ZNF704: variants seen among roughly 807,000 people sequenced by gnomAD.
ZNF704 encodes the protein glucocorticoid induced gene 1.
ZNF704 carries 10 observed loss-of-function variants against 44.7 expected under a neutral mutation model. That is an observed-to-expected ratio of 0.22 (90% CI 0.14 to 0.38). ZNF704 has a LOEUF of 0.38. Ranked by LOEUF, ZNF704 falls within the 10% of genes least tolerant of loss-of-function variation. The pLI is 1.00. For synonymous variants in ZNF704, 211 were observed against 207.6 expected, an observed-to-expected ratio of 1.02 and a Z score of -0.14; for missense variants, 390 against 545.5, an observed-to-expected ratio of 0.71 and a Z score of 2.84.
At chr8:80,869,294 A>G (rs1809208915) in intron 1 of ZNF704, among the ~76,000 whole-genome samples, 1 of 152,240 alleles carries the variant, frequency 6.6e-6, no homozygotes, top group Non-Finnish European at 1.5e-5. Context: ...ATGTGGAATC[A>G]CAAACCTCAG....
rs1817678693 is a variant in ZNF704, at chr8:80,637,314, C to G, written c.*4052G>C. The G allele has an allele frequency of 6.6e-6, 1 of 152,012 alleles. No individual in the cohort carries two copies. Among genetic ancestry groups the G allele is most frequent in the Admixed American group, 6.5e-5 (1 of 15,268 alleles). The allele number at this position is 152,012 out of a possible 1,614,324, so 9.4% of individuals were successfully genotyped here. A position where few individuals can be genotyped will look rare whatever the true frequency, so the allele number is the denominator to read the frequency against. ...TATTTTTGCATGCCCTTTATTTTTC[C>G]CTGAGGAAATGAATATTATTTACAG... On this transcript the variant is annotated 3_prime_UTR_variant, in exon 9 of 9. Transcript: ENST00000327835.
chr8:80,681,453 T>C (rs1455079967), intron 4 of ZNF704, among the ~76,000 whole-genome samples: 1 of 152,180 alleles, frequency 6.6e-6, no homozygotes, highest in Non-Finnish European at 1.5e-5. Flanking sequence ...TCTATAGTGA[T>C]GAAAGTTATA....
chr8:80,672,047 T>C (rs552465479), intron 4 of ZNF704, among the ~76,000 whole-genome samples: 4 of 152,260 alleles, frequency 2.6e-5, no homozygotes, highest in South Asian at 2.1e-4. Flanking sequence ...TGCAAGTGTA[T>C]TGAAATACAG....
At chr8:80,655,008 G>T (rs900171936) in intron 7 of ZNF704, among the ~76,000 whole-genome samples, 8 of 152,140 alleles carry the variant, frequency 5.3e-5, no homozygotes, top group African/African-American at 7.2e-5. Flanking sequence ...ATACTATGCA[G>T]CCATAAAAAA....
intron 1 of ZNF704, among the ~76,000 whole-genome samples, chr8:80,833,223 A>G (rs1266823037): frequency 6.6e-6 from 1 of 152,106 alleles, no homozygotes; most frequent in Non-Finnish European, 1.5e-5. Context: ...GGTGGTGTGC[A>G]CGTGTAGTCC....
intron 1 of ZNF704, among the ~76,000 whole-genome samples, chr8:80,830,520 T>C (rs1808451811): frequency 6.6e-6 from 1 of 152,076 alleles, no homozygotes; most frequent in Admixed American, 6.5e-5. Flanking sequence ...TTTGGGGTGA[T>C]GGAAATGTCC....
intron 4 of ZNF704, among the ~76,000 whole-genome samples, chr8:80,679,109 C>T (rs576902782): frequency 5.3e-5 from 8 of 152,218 alleles, no homozygotes; most frequent in Non-Finnish European, 8.8e-5. Context: ...TAAGGCTCTA[C>T]GGGTTAGGGT....
At chr8:80,750,704 G>C (rs1036443489) in intron 2 of ZNF704, among the ~76,000 whole-genome samples, 1 of 151,986 alleles carries the variant, frequency 6.6e-6, no homozygotes, top group African/African-American at 2.4e-5. Flanking sequence ...TAGTAGAGAC[G>C]GGGTTTCACC....
chr8:80,660,552 A>C (rs1818085379), intron 6 of ZNF704, among the ~76,000 whole-genome samples: 1 of 152,130 alleles, frequency 6.6e-6, no homozygotes, highest in South Asian at 2.1e-4. Flanking sequence ...ATACCTACAG[A>C]GTAATTCAAA....
chr8:80,750,147 CA>C (rs1323211050), intron 2 of ZNF704, among the ~76,000 whole-genome samples: 1 of 152,110 alleles, frequency 6.6e-6, no homozygotes, highest in Non-Finnish European at 1.5e-5. Flanking sequence ...TATGGTCTCA[CA>C]GTCCTCACAC....
chr8:80,829,246 A>G lies in ZNF704; in HGVS notation c.-21-7631T>C, dbSNP rs149757077. Reference sequence around the variant, plus strand: ...TAGAAAATCAACAGATGTAAGGACAAGTATGTTAAACATCCATCACTAGTC... The same window carrying G: ...TAGAAAATCAACAGATGTAAGGACAGGTATGTTAAACATCCATCACTAGTC... On this transcript the variant is annotated intron_variant, in intron 1 of 8. Transcript: ENST00000327835. Among the ~76,000 whole-genome samples the G allele has an allele frequency of 7.9e-5, 12 of 152,374 alleles. 1 individual carries two copies. In the East Asian group the frequency reaches 1.2e-3, roughly 15 times the overall value.
At chr8:80,804,295 A>G (rs1411019760) in intron 2 of ZNF704, among the ~76,000 whole-genome samples, 1 of 152,220 alleles carries the variant, frequency 6.6e-6, no homozygotes, top group Admixed American at 6.5e-5. Flanking sequence ...AAGCAGACAT[A>G]CCATTTAACC....
intron 7 of ZNF704, among the ~76,000 whole-genome samples, chr8:80,651,744 A>G (rs908139897): frequency 6.6e-6 from 1 of 152,340 alleles, no homozygotes; most frequent in Admixed American, 6.5e-5. Context: ...CACTGTCAAC[A>G]TTAGACAGAT....
At chr8:80,783,454 C>T (rs1297898364) in intron 2 of ZNF704, among the ~76,000 whole-genome samples, 3 of 152,132 alleles carry the variant, frequency 2.0e-5, no homozygotes, top group African/African-American at 7.2e-5. Flanking sequence ...CAGCAACTGA[C>T]TTAAGTCCAT....
At chr8:80,739,871 C>T (rs189652196) in intron 2 of ZNF704, among the ~76,000 whole-genome samples, 1 of 152,286 alleles carries the variant, frequency 6.6e-6, no homozygotes, top group Non-Finnish European at 1.5e-5. Context: ...GGAAGGCCCA[C>T]TGCCCCAGGG....
upstream of ZNF704, among the ~76,000 whole-genome samples, chr8:80,878,363 A>T (rs747233303): frequency 2.6e-5 from 4 of 152,202 alleles, no homozygotes; most frequent in Non-Finnish European, 5.9e-5. Flanking sequence ...AAAATTTAAG[A>T]TTCAGCAAAA....
At chr8:80,703,757 G>A (rs1052302203) in intron 2 of ZNF704, among the ~76,000 whole-genome samples, 8 of 152,334 alleles carry the variant, frequency 5.3e-5, no homozygotes, top group South Asian at 2.1e-4. Flanking sequence ...TTACAGGCAT[G>A]AGCCACTGTG....
intron 2 of ZNF704, among the ~76,000 whole-genome samples, chr8:80,814,636 A>T (rs1808145599): frequency 6.6e-6 from 1 of 152,246 alleles, no homozygotes; most frequent in South Asian, 2.1e-4. Context: ...TTTCTCTAAC[A>T]TGAGTGAGTA....
intron 2 of ZNF704, among the ~76,000 whole-genome samples, chr8:80,774,276 G>A (rs1301962585): frequency 6.6e-6 from 1 of 151,994 alleles, no homozygotes. Flanking sequence ...CTTTATGTTG[G>A]TCAGGCTGAT....
Sources: allele counts gnomAD v4.1 joint callset (sites outside exome capture counted in the v4.1 genomes callset), GRCh38; gene constraint gnomAD v4.1.1; transcripts MANE v1.5; gene names NCBI Gene and HGNC (gene_info 2026-07-23, HGNC 2026-07-21).